The following SLC9A9 variants were observed in gnomAD, a reference collection of about 807,000 sequenced individuals.
The protein encoded by SLC9A9 is sodium/hydrogen exchanger 9.
SLC9A9 carries 62 observed loss-of-function variants against 77.8 expected under a neutral mutation model. The ratio of observed to expected loss-of-function variants is 0.80; its 90% CI spans 0.65 to 0.98. The LOEUF is 0.98. SLC9A9 is among the 50% of genes least tolerant of loss of function. The pLI, the probability that SLC9A9 is intolerant of heterozygous loss-of-function variation, is 0.00. For synonymous variants in SLC9A9, 320 were observed against 283.5 expected, an observed-to-expected ratio of 1.13 and a Z score of -1.29; for missense variants, 775 against 774.9, an observed-to-expected ratio of 1.00 and a Z score of 0.00.
At chr3:143,754,929 C>T (rs1306639632) in intron 4 of SLC9A9, among the ~76,000 whole-genome samples, 7 of 152,096 alleles carry the variant, frequency 4.6e-5, no homozygotes, top group African/African-American at 9.7e-5. Flanking sequence ...CTCCCCCTGT[C>T]GCCTAACATA....
intron 9 of SLC9A9, among the ~76,000 whole-genome samples, chr3:143,536,363 C>A (rs563686437): frequency 3.9e-5 from 6 of 152,236 alleles, no homozygotes; most frequent in African/African-American, 1.4e-4. Flanking sequence ...AAATAGTTGC[C>A]AATAATAGCC....
At chr3:143,426,752 C>T (rs1478310246) in intron 12 of SLC9A9, among the ~76,000 whole-genome samples, 2 of 152,204 alleles carry the variant, frequency 1.3e-5, no homozygotes, top group Admixed American at 1.3e-4. Flanking sequence ...ATTATGAGAG[C>T]TAACATTTAC....
chr3:143,474,161 C>T (rs2035426831), intron 11 of SLC9A9, among the ~76,000 whole-genome samples: 1 of 152,076 alleles, frequency 6.6e-6, no homozygotes, highest in African/African-American at 2.4e-5. Context: ...TGAGGCAGGC[C>T]AATGCCTGGT....
chr3:143,751,596 C>A (rs1388531894), intron 4 of SLC9A9, among the ~76,000 whole-genome samples: 1 of 152,160 alleles, frequency 6.6e-6, no homozygotes, highest in Non-Finnish European at 1.5e-5. Flanking sequence ...TGTAGTTCAA[C>A]TTCCTCTGCA....
At chr3:143,613,643 C>A (rs958492589) in intron 6 of SLC9A9, among the ~76,000 whole-genome samples, 2 of 151,704 alleles carry the variant, frequency 1.3e-5, no homozygotes, top group Non-Finnish European at 2.9e-5. Context: ...TCATCTCTTT[C>A]CTCTCTTCTC....
At chr3:143,588,940 G>T (rs1224452656) in intron 6 of SLC9A9, among the ~76,000 whole-genome samples, 3 of 152,136 alleles carry the variant, frequency 2.0e-5, no homozygotes, top group Non-Finnish European at 4.4e-5. Context: ...TAGCTCCAAA[G>T]AATGCTGTCA....
chr3:143,519,780 GA>G (rs2036265293), intron 9 of SLC9A9, among the ~76,000 whole-genome samples: 1 of 152,148 alleles, frequency 6.6e-6, no homozygotes, highest in African/African-American at 2.4e-5. Context: ...AGAGAGGTGA[GA>G]GGATTTTTTG....
At chr3:143,772,771 C>T (rs977268346) in intron 4 of SLC9A9, among the ~76,000 whole-genome samples, 5 of 152,170 alleles carry the variant, frequency 3.3e-5, no homozygotes, top group Admixed American at 6.5e-5. Flanking sequence ...ACGTTATAGA[C>T]GCTACTGCCC....
At chr3:143,832,250 T>A (rs778559178) in intron 1 of SLC9A9, 29 bp from the exon 2 acceptor site, 1 of 1,578,662 alleles carries the variant, frequency 6.3e-7, no homozygotes, top group Non-Finnish European at 8.7e-7. Flanking sequence ...ATAATGGTAC[T>A]GGAGGAAGGC....
intron 12 of SLC9A9, among the ~76,000 whole-genome samples, chr3:143,458,951 AC>A (rs2035141808): frequency 6.6e-6 from 1 of 152,004 alleles, no homozygotes; most frequent in African/African-American, 2.4e-5. Context: ...AAAATGTCAT[AC>A]TTTTGTTCAG....
At chr3:143,546,801 C>T (rs1186509259) in intron 9 of SLC9A9, among the ~76,000 whole-genome samples, 7 of 152,156 alleles carry the variant, frequency 4.6e-5, no homozygotes, top group African/African-American at 2.4e-5. Flanking sequence ...ATTTCTCCTA[C>T]CTTAAAAATA....
At chr3:143,419,730 G>T (rs972551680) in intron 12 of SLC9A9, among the ~76,000 whole-genome samples, 9 of 152,136 alleles carry the variant, frequency 5.9e-5, no homozygotes, top group African/African-American at 1.9e-4. Context: ...GAACAGGCAA[G>T]TTACAACAAA....
chr3:143,542,187 C>T (rs2108630792), intron 9 of SLC9A9, among the ~76,000 whole-genome samples: 1 of 152,190 alleles, frequency 6.6e-6, no homozygotes, highest in Middle Eastern at 3.4e-3. Context: ...GTCCTTTATA[C>T]AATATAATGA....
At chr3:143,815,498 G>T (rs2008981937) in intron 2 of SLC9A9, among the ~76,000 whole-genome samples, 13 of 151,868 alleles carry the variant, frequency 8.6e-5, no homozygotes, top group Admixed American at 8.5e-4. Context: ...ACACTGTGAA[G>T]CCCCTTTTTT....
At chr3:143,450,588 C>A (rs1304108193) in intron 12 of SLC9A9, among the ~76,000 whole-genome samples, 2 of 83,366 alleles carry the variant, frequency 2.4e-5, no homozygotes, top group Non-Finnish European at 4.2e-5. Context: ...TTAAACACTG[C>A]TCAAATGCCT....
At position 143,830,307 on chromosome 3, in the gene SLC9A9, G is replaced by C. The variant is rs183058853; in HGVS notation, c.378+1712C>G. 3.9e-5 allele frequency among the ~76,000 whole-genome samples: 6 copies of C among 152,280 alleles called. No individual in the cohort carries two copies. The East Asian group carries it at 1.2e-3, about 29-fold the overall frequency. On this transcript the variant is annotated intron_variant, in intron 2 of 15. Transcript: ENST00000316549. ...ATGCCATGATTGACAAGTTCATCTA[G>C]AAACTACTTGAGCCACTCAAGGTCA...
rs186058106 is a variant in SLC9A9, at chr3:143,718,934, C to T, written c.534-25627G>A. ...CTACTTAATCTAGGACGACTTAGCC[C>T]CTCAGTTGTCAGTCTCTTCCTCTGC... On this transcript the variant is annotated intron_variant, in intron 4 of 15. Coordinates refer to ENST00000316549, the MANE Select transcript of SLC9A9 (RefSeq NM_173653.4). Among the ~76,000 whole-genome samples, 8 of 152,218 alleles carry T rather than the reference C, an allele frequency of 5.3e-5. No individual in the cohort carries two copies. In the East Asian group the frequency reaches 1.4e-3, roughly 26 times the overall value.
At chr3:143,487,298 T>C (rs941702015) in intron 11 of SLC9A9, among the ~76,000 whole-genome samples, 6 of 152,028 alleles carry the variant, frequency 3.9e-5, no homozygotes, top group Non-Finnish European at 7.4e-5. Context: ...CAAAATTTAA[T>C]GGAGAAATAG....
At chr3:143,359,192 G>C (rs1335321572) in intron 14 of SLC9A9, among the ~76,000 whole-genome samples, 4 of 152,178 alleles carry the variant, frequency 2.6e-5, no homozygotes, top group Non-Finnish European at 4.4e-5. Context: ...TTGCTTGCTT[G>C]CTTAATTGAT....
Sources: allele counts gnomAD v4.1 joint callset (sites outside exome capture counted in the v4.1 genomes callset), GRCh38; gene constraint gnomAD v4.1.1; transcripts MANE v1.5; gene names NCBI Gene and HGNC (gene_info 2026-07-23, HGNC 2026-07-21).